The following ZNF146 variants were observed in gnomAD, a reference collection of about 807,000 sequenced individuals.
ZNF146 encodes zinc finger protein OZF.
A neutral mutation model predicts 22.2 loss-of-function variants in ZNF146; 9 were observed. That is an observed-to-expected ratio of 0.41 (90% CI 0.24 to 0.71). The LOEUF is 0.71. ZNF146 is among the 30% of genes least tolerant of loss of function. ZNF146 has a pLI of 0.34. For missense variants in ZNF146, 194 were observed against 344.8 expected (o/e 0.56, Z 3.46); for synonymous variants, 108 against 119.2 (o/e 0.91, Z 0.61).
chr19:36,215,655 G>C (rs144243270), intron 1 of ZNF146, among the ~76,000 whole-genome samples: 1 of 151,982 alleles, frequency 6.6e-6, no homozygotes, highest in African/African-American at 2.4e-5. Flanking sequence ...GCAAATCACC[G>C]TGACTTTTTT....
intron 2 of ZNF146, among the ~76,000 whole-genome samples, chr19:36,221,312 G>A (rs1258839044): frequency 4.2e-5 from 5 of 118,550 alleles, no homozygotes; most frequent in Admixed American, 9.7e-5. Context: ...TTTTTGAGAC[G>A]GAGTCTCACT....
intron 2 of ZNF146, among the ~76,000 whole-genome samples, chr19:36,219,318 C>T (rs964476939): frequency 2.0e-5 from 3 of 152,110 alleles, no homozygotes; most frequent in Non-Finnish European, 2.9e-5. Context: ...TGTGCCACCA[C>T]GACCTGCTAA....
chr19:36,222,114 T>C (rs2432046), intron 2 of ZNF146, among the ~76,000 whole-genome samples: 96,065 of 151,586 alleles, frequency 0.63, 30,647 homozygotes, highest in Middle Eastern at 0.71. Flanking sequence ...TTTGTAGAGA[T>C]GAGGTCTCAC....
intron 2 of ZNF146, among the ~76,000 whole-genome samples, chr19:36,223,464 G>T (rs1388091148): frequency 6.6e-6 from 1 of 151,818 alleles, no homozygotes; most frequent in Non-Finnish European, 1.5e-5. Flanking sequence ...CCGGGTTCAC[G>T]CCATTCTCCT....
At chr19:36,221,390 G>T (rs567745211) in intron 2 of ZNF146, among the ~76,000 whole-genome samples, 1 of 144,438 alleles carries the variant, frequency 6.9e-6, no homozygotes, top group Non-Finnish European at 1.5e-5. Flanking sequence ...CCGGGTTCAC[G>T]CCATTCTTCT....
At chr19:36,221,856 A>G (rs1175042735) in intron 2 of ZNF146, among the ~76,000 whole-genome samples, 4 of 151,230 alleles carry the variant, frequency 2.6e-5, no homozygotes, top group African/African-American at 9.7e-5. Flanking sequence ...ATAGCATACC[A>G]CATGCACCTC....
intron 2 of ZNF146, among the ~76,000 whole-genome samples, chr19:36,222,391 A>AT (rs1454890833): frequency 1.3e-5 from 2 of 152,086 alleles, no homozygotes; most frequent in Admixed American, 6.6e-5. Flanking sequence ...GTAATGAATA[A>AT]TTTTTTTATG....
At chr19:36,221,927 CTTTTTTTTTTTT>C (rs60347994) in intron 2 of ZNF146, among the ~76,000 whole-genome samples, 15 of 109,890 alleles carry the variant, frequency 1.4e-4, no homozygotes, top group Non-Finnish European at 2.1e-4. Flanking sequence ...TTTTTTCTTT[CTTTTTTTTTTTT>C]TTTTTTTTTT....
intron 2 of ZNF146, among the ~76,000 whole-genome samples, chr19:36,223,074 G>A (rs138613073): frequency 7.9e-5 from 12 of 151,046 alleles, no homozygotes; most frequent in Admixed American, 1.3e-4. Context: ...CCCAAGTAGC[G>A]GGGACTACAG....
chr19:36,232,465 C>T (rs918392736), intron 3 of ZNF146, among the ~76,000 whole-genome samples: 2 of 151,828 alleles, frequency 1.3e-5, no homozygotes, highest in African/African-American at 4.8e-5. Flanking sequence ...TAGATTTTGC[C>T]GTCTATAGTC....
At chr19:36,231,244 C>A (rs554558073) in intron 3 of ZNF146, among the ~76,000 whole-genome samples, 3 of 152,248 alleles carry the variant, frequency 2.0e-5, no homozygotes, top group African/African-American at 7.2e-5. Flanking sequence ...TAGTTTCACT[C>A]TGTTGTCCAG....
chr19:36,237,361 A>C lies in ZNF146; in HGVS notation c.*42A>C. ...TTGAAAGTGGGAAAGCTTTCATTAGAAATTTGCACCTCATCATGCCCCAGA... is the reference window on the plus strand; with the variant it reads ...TTGAAAGTGGGAAAGCTTTCATTAGCAATTTGCACCTCATCATGCCCCAGA... On this transcript the variant is annotated 3_prime_UTR_variant, in exon 4 of 4. Transcript: ENST00000443387. The C allele has an allele frequency of 1.3e-6, 2 of 1,547,456 alleles. No individual in the cohort carries two copies. The highest frequency in any genetic ancestry group is 1.7e-6 in the Non-Finnish European group (2 of 1,149,790).
Position 36,237,368 on chromosome 19 carries a change from C to G in ZNF146, c.*49C>G, listed in dbSNP as rs1348566737. On this transcript the variant is annotated 3_prime_UTR_variant, in exon 4 of 4. Coordinates refer to ENST00000443387, the MANE Select transcript of ZNF146 (RefSeq NM_007145.3). The stretch of plus-strand genomic sequence containing the variant: ...TGGGAAAGCTTTCATTAGAAATTTG[C>G]ACCTCATCATGCCCCAGAAATAATC... 2 of 1,540,160 alleles carry G rather than the reference C, an allele frequency of 1.3e-6. No individual in the cohort carries two copies. Among genetic ancestry groups the G allele is most frequent in the Admixed American group, 2.1e-5 (1 of 48,548 alleles).
intron 2 of ZNF146, among the ~76,000 whole-genome samples, chr19:36,220,460 G>T (rs1003359162): frequency 6.6e-6 from 1 of 151,970 alleles, no homozygotes; most frequent in African/African-American, 2.4e-5. Context: ...CGCCTCCTGG[G>T]TTCAAGTGAT....
intron 2 of ZNF146, among the ~76,000 whole-genome samples, chr19:36,224,216 T>C (rs1261278279): frequency 2.0e-5 from 3 of 152,138 alleles, no homozygotes; most frequent in Non-Finnish European, 2.9e-5. Flanking sequence ...ACCCTGTCTC[T>C]ACTAAAAATA....
At chr19:36,231,917 A>C (rs1200674451) in intron 3 of ZNF146, among the ~76,000 whole-genome samples, 1 of 151,716 alleles carries the variant, frequency 6.6e-6, no homozygotes, top group Non-Finnish European at 1.5e-5. Context: ...TTTAAAAAAA[A>C]AAAGGCCAGA....
intron 2 of ZNF146, among the ~76,000 whole-genome samples, chr19:36,221,222 G>A (rs1016542894): frequency 2.0e-5 from 3 of 151,006 alleles, no homozygotes; most frequent in East Asian, 3.9e-4. Context: ...TTTTTCTGAG[G>A]AATTATGTTA....
At position 36,236,334 on chromosome 19, in the gene ZNF146, A is replaced by G. The variant is rs1020178478; in HGVS notation, c.-107A>G. The stretch of plus-strand genomic sequence containing the variant: ...GGGAGATCATACACAGAGAAGCCTT[A>G]TAAATGTAAGAGATGTGGAAATATC... On this transcript the variant is annotated 5_prime_UTR_variant, in exon 4 of 4. Transcript: ENST00000443387. The G allele has an allele frequency of 2.1e-4, 287 of 1,342,002 alleles. No individual in the cohort carries two copies. Among genetic ancestry groups the G allele is most frequent in the Non-Finnish European group, 2.7e-4 (270 of 989,498 alleles). The allele number at this position is 1,342,002 out of a possible 1,614,324, so 83.1% of individuals were successfully genotyped here.
intron 1 of ZNF146, among the ~76,000 whole-genome samples, chr19:36,216,866 G>A (rs116615170): frequency 0.69 from 103,840 of 150,718 alleles, 35,879 homozygotes; most frequent in African/African-American, 0.74. Context: ...TCACACCTGT[G>A]AGCCAAGGCA....
Sources: allele counts gnomAD v4.1 joint callset (sites outside exome capture counted in the v4.1 genomes callset), GRCh38; gene constraint gnomAD v4.1.1; transcripts MANE v1.5; gene names NCBI Gene and HGNC (gene_info 2026-07-23, HGNC 2026-07-21).